THSD4: variants seen among roughly 807,000 people sequenced by gnomAD.
THSD4 encodes thrombospondin type 1 domain containing 4.
Under a neutral mutation model 119.0 loss-of-function variants are expected in THSD4, and 69 were observed. The ratio of observed to expected loss-of-function variants is 0.58; its 90% CI spans 0.48 to 0.71. THSD4 has a LOEUF of 0.71. THSD4 is among the 30% of genes least tolerant of loss of function. The pLI, the probability that THSD4 is intolerant of heterozygous loss-of-function variation, is 0.00. For missense variants in THSD4, 1,393 were observed against 1,391.1 expected, an observed-to-expected ratio of 1.00 and a Z score of -0.02; for synonymous variants, 524 against 540.4, an observed-to-expected ratio of 0.97 and a Z score of 0.42.
chr15:71,747,880 C>G (rs2053369545), intron 13 of THSD4, among the ~76,000 whole-genome samples: 1 of 152,210 alleles, frequency 6.6e-6, no homozygotes, highest in Non-Finnish European at 1.5e-5. Flanking sequence ...GCCATGAATC[C>G]TAAGACCTTC....
chr15:71,148,322 C>T (rs1183609014), intron 2 of THSD4, among the ~76,000 whole-genome samples: 2 of 152,192 alleles, frequency 1.3e-5, no homozygotes, highest in Non-Finnish European at 2.9e-5. Flanking sequence ...AAGGAGACAA[C>T]TAAGTGCCAA....
chr15:71,710,183 T>A (rs2052480636), intron 8 of THSD4, among the ~76,000 whole-genome samples: 1 of 152,208 alleles, frequency 6.6e-6, no homozygotes, highest in East Asian at 1.9e-4. Flanking sequence ...TAACATAAAA[T>A]ATTTAAAACA....
At chr15:71,117,418 C>T (rs1486902924) in intron 1 of THSD4, among the ~76,000 whole-genome samples, 1 of 152,098 alleles carries the variant, frequency 6.6e-6, no homozygotes, top group African/African-American at 2.4e-5. Flanking sequence ...TTGCCGTCTT[C>T]TCCATCCCCC....
chr15:71,278,095 C>A (rs2044612366), intron 6 of THSD4, among the ~76,000 whole-genome samples: 1 of 152,214 alleles, frequency 6.6e-6, no homozygotes. Flanking sequence ...CAAATGTCTG[C>A]TTAATTATGT....
intron 6 of THSD4, among the ~76,000 whole-genome samples, chr15:71,323,159 A>G (rs1444428196): frequency 3.3e-5 from 5 of 150,808 alleles, no homozygotes; most frequent in Admixed American, 6.6e-5. Context: ...CTTGAAAGTT[A>G]TGAAGTGCTT....
intron 3 of THSD4, among the ~76,000 whole-genome samples, chr15:71,173,216 C>T (rs998554889): frequency 2.6e-5 from 4 of 151,756 alleles, no homozygotes; most frequent in African/African-American, 9.7e-5. Flanking sequence ...AATTGCATTT[C>T]TATACACTGA....
chr15:71,605,953 G>A (rs919329487), intron 7 of THSD4, among the ~76,000 whole-genome samples: 1 of 152,158 alleles, frequency 6.6e-6, no homozygotes, highest in Non-Finnish European at 1.5e-5. Flanking sequence ...CAAAACCAAC[G>A]GAGTGAGCTG....
chr15:71,377,579 T>A (rs2046155902), intron 6 of THSD4, among the ~76,000 whole-genome samples: 1 of 152,028 alleles, frequency 6.6e-6, no homozygotes, highest in Non-Finnish European at 1.5e-5. Context: ...GGTGGTCGTC[T>A]GCAGTGTTAG....
At chr15:71,370,695 C>G (rs1366361688) in intron 6 of THSD4, among the ~76,000 whole-genome samples, 4 of 152,192 alleles carry the variant, frequency 2.6e-5, no homozygotes, top group Non-Finnish European at 5.9e-5. Context: ...GAGTGCTTTA[C>G]TTCAACTATG....
chr15:71,645,419 C>T (rs1392988), intron 7 of THSD4, among the ~76,000 whole-genome samples: 139,633 of 152,150 alleles, frequency 0.92, 65,306 homozygotes, highest in East Asian at 1. Context: ...GAGAACTTAC[C>T]ATCATGAGAA....
rs185803972 is a variant in THSD4 at position 71,469,198 on chromosome 15, G to A, written c.1152+57375G>A. ...AACACCTGCAGCTCACTTCCAAAGA[G>A]AATTCTGCTTGATAAACTTTTCTCC... On this transcript the variant is annotated intron_variant, in intron 7 of 17. Transcript: ENST00000261862. 2.2e-4 allele frequency among the ~76,000 whole-genome samples: 33 copies of A among 152,226 alleles called. No individual in the cohort carries two copies. The East Asian group carries it at 5.2e-3, about 24-fold the overall frequency.
At chr15:71,696,412 C>T (rs1207578327) in intron 8 of THSD4, among the ~76,000 whole-genome samples, 4 of 152,190 alleles carry the variant, frequency 2.6e-5, no homozygotes, top group African/African-American at 9.6e-5. Flanking sequence ...TCACTCACTA[C>T]AGCTAAAAGG....
At chr15:71,741,980 A>G (rs1490071518) in intron 11 of THSD4, among the ~76,000 whole-genome samples, 1 of 152,182 alleles carries the variant, frequency 6.6e-6, no homozygotes. Flanking sequence ...CCAGACATGC[A>G]GGGTAGGTGA....
At chr15:71,695,505 T>TGTGTGC (rs746838535) in intron 8 of THSD4, among the ~76,000 whole-genome samples, 28 of 138,852 alleles carry the variant, frequency 2.0e-4, no homozygotes, top group East Asian at 4.0e-4. Context: ...TGTGTGCATG[T>TGTGTGC]GTGTGTGTGT....
intron 7 of THSD4, among the ~76,000 whole-genome samples, chr15:71,497,134 C>T (rs1003428780): frequency 6.6e-6 from 1 of 152,198 alleles, no homozygotes; most frequent in Admixed American, 6.5e-5. Context: ...TGAAACCTTT[C>T]TGCGATGATA....
intron 2 of THSD4, among the ~76,000 whole-genome samples, chr15:71,154,090 A>G (rs1408936833): frequency 6.6e-6 from 1 of 152,152 alleles, no homozygotes; most frequent in African/African-American, 2.4e-5. Context: ...TACCTCTGTC[A>G]TATTCAGTGA....
intron 7 of THSD4, among the ~76,000 whole-genome samples, chr15:71,659,399 C>A (rs115801516): frequency 0.013 from 1,941 of 152,210 alleles, 41 homozygotes; most frequent in African/African-American, 0.044. Flanking sequence ...TTGTGAAGAT[C>A]ATTCCATTTT....
chr15:71,353,635 T>C (rs1356553588), intron 6 of THSD4, among the ~76,000 whole-genome samples: 1 of 152,232 alleles, frequency 6.6e-6, no homozygotes, highest in African/African-American at 2.4e-5. Context: ...TGTGCAGCTT[T>C]TCTAGAGAAG....
chr15:71,430,759 GAAAAA>G (rs397719477), intron 7 of THSD4, among the ~76,000 whole-genome samples: 2 of 82,958 alleles, frequency 2.4e-5, no homozygotes, highest in African/African-American at 4.8e-5. Context: ...TCTGTCTCAA[GAAAAA>G]AAAAAAAAAA....
Sources: gnomAD v4.1 joint callset for allele counts (sites outside exome capture counted in the v4.1 genomes callset) on GRCh38, gnomAD v4.1.1 for gene constraint, MANE v1.5 for transcripts, NCBI Gene and HGNC (gene_info 2026-07-23, HGNC 2026-07-21) for gene names.